The following NUDT22 variants were observed in gnomAD, a reference collection of about 807,000 sequenced individuals.
NUDT22 encodes uridine diphosphate glucose pyrophosphatase NUDT22.
NUDT22 carries 23 observed loss-of-function variants against 28.8 expected under a neutral mutation model. The observed-to-expected ratio is 0.80, with a 90% CI of 0.58 to 1.13. The LOEUF (loss-of-function observed/expected upper bound fraction) is 1.13, where lower values mean the gene tolerates loss of function less well. Among genes scored for constraint, NUDT22 ranks in the 50% most tolerant of loss-of-function variants. The probability of loss-of-function intolerance (pLI) is 0.00; values close to 1 mark genes in which losing one functional copy is unlikely to be tolerated. For missense variants in NUDT22, 358 were observed against 387.3 expected, an observed-to-expected ratio of 0.92 and a Z score of 0.64; for synonymous variants, 175 against 173.7, an observed-to-expected ratio of 1.01 and a Z score of -0.06.
downstream of NUDT22, chr11:64,230,093 G>GC: frequency 2.0e-6 from 2 of 1,021,886 alleles, no homozygotes; most frequent in East Asian, 2.7e-5. Flanking sequence ...AAGTGACTTG[G>GC]GAAAAAAAAA....
chr11:64,227,372 C>A, intron 2 of NUDT22, 196 bp from the exon 3 acceptor site: 1 of 723,298 alleles, frequency 1.4e-6, no homozygotes, highest in Non-Finnish European at 2.5e-6. Context: ...CCCTACTCCA[C>A]CCCTGCCCCC....
intron 3 of NUDT22, among the ~76,000 whole-genome samples, chr11:64,228,173 ATTCTTC>A (rs200646616): frequency 1.6e-5 from 2 of 122,196 alleles, no homozygotes; most frequent in African/African-American, 2.9e-5. Context: ...ACCAGGCCGG[ATTCTTC>A]TTCTTTTTTT....
rs1565310937 is a variant in NUDT22 at position 64,227,669 on chromosome 11, G to A, written c.579+3G>A. 1.2e-6 allele frequency: 2 copies of A among 1,611,134 alleles called. No individual in the cohort carries two copies. Among genetic ancestry groups the A allele is most frequent in the Non-Finnish European group, 8.5e-7 (1 of 1,177,294 alleles). On this transcript the variant is annotated splice_donor_region_variant and intron_variant, in intron 3 of 5. Coordinates refer to ENST00000279206, the MANE Select transcript of NUDT22 (RefSeq NM_032344.4). ...TCCTTCAGGAGATCTGTGATGAGGT[G>A]AGTGAGGTTGACCTGGACAGGGTGG...
At chr11:64,227,867 T>TTTTC in intron 3 of NUDT22, 1 of 577,052 alleles carries the variant, frequency 1.7e-6, no homozygotes. Context: ...TTCTTTTCTT[T>TTTTC]TTTCTTTCTT....
In NUDT22 at chr11:64,227,687, C is replaced by A. The variant is rs1448764536; in HGVS notation, c.579+21C>A. On this transcript the variant is annotated intron_variant, in intron 3 of 5. Coordinates refer to ENST00000279206, the MANE Select transcript of NUDT22 (RefSeq NM_032344.4). Reference sequence around the variant, plus strand: ...ATGAGGTGAGTGAGGTTGACCTGGACAGGGTGGTAGACATGAAGGGAGGGG... The same window carrying A: ...ATGAGGTGAGTGAGGTTGACCTGGAAAGGGTGGTAGACATGAAGGGAGGGG... 4 of 1,593,128 alleles carry A rather than the reference C, an allele frequency of 2.5e-6. No individual in the cohort carries two copies. In the East Asian group the frequency reaches 6.7e-5, roughly 27 times the overall value.
downstream of NUDT22, chr11:64,230,073 A>C (rs1591072757): frequency 1.1e-5 from 15 of 1,308,716 alleles, no homozygotes; most frequent in Non-Finnish European, 1.6e-5. Context: ...CTGAGTGTGT[A>C]AGGCAGGACA....
intron 3 of NUDT22, 23 bp downstream of exon 3, chr11:64,227,689 G>A (rs754305239): frequency 6.3e-7 from 1 of 1,592,084 alleles, no homozygotes; most frequent in Non-Finnish European, 8.6e-7. Context: ...GACCTGGACA[G>A]GGTGGTAGAC....
chr11:64,227,683 T>G lies in NUDT22; in HGVS notation c.579+17T>G, dbSNP rs937578636. On this transcript the variant is annotated intron_variant, in intron 3 of 5. Coordinates refer to ENST00000279206, the MANE Select transcript of NUDT22 (RefSeq NM_032344.4). The stretch of plus-strand genomic sequence containing the variant: ...TGTGATGAGGTGAGTGAGGTTGACC[T>G]GGACAGGGTGGTAGACATGAAGGGA... The G allele has an allele frequency of 3.1e-6, 5 of 1,595,824 alleles. No individual in the cohort carries two copies. The African/African-American group carries it at 6.7e-5, about 21-fold the overall frequency.
chr11:64,228,945 C>T (rs1388086815), intron 3 of NUDT22: 1 of 304,514 alleles, frequency 3.3e-6, no homozygotes, highest in Non-Finnish European at 6.3e-6. Flanking sequence ...GTACTCCAGC[C>T]TGGGCGACAG....
intron 3 of NUDT22, among the ~76,000 whole-genome samples, chr11:64,228,323 CA>C (rs1364743426): frequency 6.6e-6 from 1 of 151,396 alleles, no homozygotes; most frequent in Non-Finnish European, 1.5e-5. Context: ...TTCTTCTTTT[CA>C]ATGGAAACAA....
chr11:64,226,463 A>T (rs1412402842), intron 1 of NUDT22, 36 bp downstream of exon 1: 7 of 1,406,388 alleles, frequency 5.0e-6, no homozygotes, highest in Non-Finnish European at 5.5e-6. Context: ...ACCCTGCGGG[A>T]CTCGGGGCTC....
Position 64,226,729 on chromosome 11 carries a change from G to A in NUDT22, c.77G>A (p.Ser26Asn), listed in dbSNP as rs767800396. ...LPQEQIQAELSPAHDRRPLPG... is the reference protein window; with the variant it reads ...LPQEQIQAELNPAHDRRPLPG... ...CAGGAGCAGATACAGGCCGAGCTGA[G>A]CCCCGCCCATGACCGTCGCCCACTG... Residue 26 changes from serine to asparagine, a missense_variant, in exon 2 of 6, where the codon AGC becomes AAC. Transcript: ENST00000279206. The A allele has an allele frequency of 6.2e-7, 1 of 1,610,510 alleles. No homozygotes were observed. The highest frequency in any genetic ancestry group is 8.5e-7 in the Non-Finnish European group (1 of 1,179,930).
intron 1 of NUDT22, 92 bp downstream of exon 1, chr11:64,226,519 G>T (rs1389983105): frequency 1.3e-6 from 2 of 1,487,506 alleles, no homozygotes; most frequent in Non-Finnish European, 1.8e-6. Flanking sequence ...GTGGTCAGGG[G>T]GGTGGAGAAG....
chr11:64,227,927 T>C, intron 3 of NUDT22: 1 of 410,836 alleles, frequency 2.4e-6, no homozygotes, highest in Admixed American at 4.0e-5. Flanking sequence ...TGGAATGCAG[T>C]GGCACGATCT....
rs151057740 is a variant in NUDT22, at chr11:64,227,606, C to G, written c.519C>G (p.Leu173=). 173 of 1,613,882 alleles carry G rather than the reference C, an allele frequency of 1.1e-4. No individual in the cohort carries two copies. Among genetic ancestry groups the G allele is most frequent in the Non-Finnish European group, 1.4e-4 (167 of 1,180,002 alleles). ...GTGGCAGCCCCCAGCACCAGGACCT[C>G]GCTGGGCAGCTGGTGGTACATGAAC... ...CPGGSPQHQD[L]AGQLVVHELF... Residue 173 remains leucine (L), a synonymous_variant, in exon 3 of 6, where the codon CTC becomes CTG. Transcript: ENST00000279206.
Position 64,227,133 on chromosome 11 carries a change from G to T in NUDT22, c.480+1G>T. On this transcript the variant is annotated splice_donor_variant, in intron 2 of 5. Transcript: ENST00000279206. LOFTEE classifies it high-confidence loss of function. The stretch of plus-strand genomic sequence containing the variant: ...ACCTGGTGGGCACCCTGAGCCTCAG[G>T]TGAGATTCCAGGCTGGGCACAAAGA... 6.3e-7 allele frequency: 1 copy of T among 1,585,132 alleles called. No individual in the cohort carries two copies.
intron 2 of NUDT22, 147 bp downstream of exon 2, chr11:64,227,279 AC>A: frequency 1.0e-6 from 1 of 974,128 alleles, no homozygotes; most frequent in Non-Finnish European, 1.6e-6. Context: ...AGGGCAGTCC[AC>A]CTGCCTCCCC....
intron 2 of NUDT22, 169 bp downstream of exon 2, chr11:64,227,301 G>A (rs747739206): frequency 1.2e-6 from 1 of 828,528 alleles, no homozygotes; most frequent in South Asian, 1.5e-5. Context: ...ACTGACCCCT[G>A]CCCCAGTCCT....
At chr11:64,230,021 G>C (rs1042663058), downstream of NUDT22, 1 of 1,604,140 alleles carries the variant, frequency 6.2e-7, no homozygotes, top group African/African-American at 1.3e-5. Flanking sequence ...CTTGGATTCC[G>C]TTGGCATCTG....
Sources: gnomAD v4.1 joint callset for allele counts (sites outside exome capture counted in the v4.1 genomes callset) on GRCh38, gnomAD v4.1.1 for gene constraint, MANE v1.5 for transcripts, NCBI Gene and HGNC (gene_info 2026-07-23, HGNC 2026-07-21) for gene names.